Variants in CARMIL1 observed in about 807,000 individuals in gnomAD.
CARMIL1 encodes F-actin-uncapping protein LRRC16A.
In CARMIL1, 90 loss-of-function variants were observed where a neutral mutation model predicts 177.1. That is an observed-to-expected ratio of 0.51 (90% CI 0.43 to 0.61). CARMIL1 has a LOEUF of 0.61. Ranked by LOEUF, CARMIL1 falls within the 20% of genes least tolerant of loss-of-function variation. The pLI, the probability that CARMIL1 is intolerant of heterozygous loss-of-function variation, is 0.00. For synonymous variants in CARMIL1, 577 were observed against 606.2 expected (o/e 0.95, Z 0.71); for missense variants, 1,380 against 1,667.0 (o/e 0.83, Z 3.00).
intron 26 of CARMIL1, among the ~76,000 whole-genome samples, chr6:25,542,603 C>G (rs961751504): frequency 2.6e-5 from 4 of 152,078 alleles, no homozygotes; most frequent in Non-Finnish European, 4.4e-5. Context: ...CTCAATCCTT[C>G]TGAGTTTCAA....
At chr6:25,459,259 TTTCTTTC>T (rs1467136178) in intron 8 of CARMIL1, among the ~76,000 whole-genome samples, 6 of 123,800 alleles carry the variant, frequency 4.8e-5, no homozygotes, top group African/African-American at 8.8e-5. Flanking sequence ...TCTTTCTTTC[TTTCTTTC>T]TTTTTTTTTT....
intron 29 of CARMIL1, among the ~76,000 whole-genome samples, chr6:25,578,605 T>G (rs768719737): frequency 1.3e-4 from 20 of 151,212 alleles, no homozygotes; most frequent in Non-Finnish European, 2.5e-4. Context: ...TGAGATTGAG[T>G]TTTTTTTTCT....
chr6:25,325,694 A>G (rs963486165), intron 2 of CARMIL1, among the ~76,000 whole-genome samples: 1 of 150,614 alleles, frequency 6.6e-6, no homozygotes, highest in South Asian at 2.1e-4. Flanking sequence ...CGTGTAGCAG[A>G]CAGTGTGCTG....
chr6:25,455,456 C>T (rs944544401), intron 8 of CARMIL1, among the ~76,000 whole-genome samples: 9 of 152,176 alleles, frequency 5.9e-5, no homozygotes, highest in Non-Finnish European at 8.8e-5. Flanking sequence ...TGATACTCTA[C>T]AGTCAAACCA....
intron 5 of CARMIL1, among the ~76,000 whole-genome samples, chr6:25,448,916 C>CT (rs36000360): frequency 0.11 from 13,911 of 126,372 alleles, 1,152 homozygotes; most frequent in East Asian, 0.32. Context: ...AGGGATTCTT[C>CT]TTTTTTTTTT....
At chr6:25,411,753 A>C (rs892998923) in intron 2 of CARMIL1, among the ~76,000 whole-genome samples, 1 of 152,224 alleles carries the variant, frequency 6.6e-6, no homozygotes, top group Non-Finnish European at 1.5e-5. Context: ...TTCCTCTGAA[A>C]CTAAACATCC....
chr6:25,364,870 C>T (rs542958629), intron 2 of CARMIL1, among the ~76,000 whole-genome samples: 237 of 152,228 alleles, frequency 1.6e-3, no homozygotes, highest in Non-Finnish European at 3.0e-3. Flanking sequence ...AAGTGAAACC[C>T]CGGAAGAGTA....
At chr6:25,518,337 A>G (rs773224412) in intron 22 of CARMIL1, among the ~76,000 whole-genome samples, 6 of 152,188 alleles carry the variant, frequency 3.9e-5, no homozygotes, top group Admixed American at 6.5e-5. Flanking sequence ...CTCTCTGATT[A>G]AATCTTTTTT....
chr6:25,452,731 T>TA (rs1248088348), intron 8 of CARMIL1: 2 of 152,484 alleles, frequency 1.3e-5, no homozygotes, highest in Non-Finnish European at 2.9e-5. Context: ...TGGATGCTCA[T>TA]ATCTACTTCT....
intron 31 of CARMIL1, among the ~76,000 whole-genome samples, chr6:25,593,009 G>C (rs115590293): frequency 0.013 from 1,931 of 152,280 alleles, 27 homozygotes; most frequent in African/African-American, 0.034. Flanking sequence ...CTTCTCACCA[G>C]CCTCTCTCAT....
chr6:25,494,990 C>T (rs447724), intron 15 of CARMIL1, 121 bp from the exon 16 acceptor site: 460,175 of 602,404 alleles, frequency 0.76, 177,004 homozygotes, highest in East Asian at 0.88. Flanking sequence ...TATTTGTTTC[C>T]ATTTACTTTT....
chr6:25,477,792 T>TA (rs1332357533), intron 11 of CARMIL1, among the ~76,000 whole-genome samples: 1 of 151,954 alleles, frequency 6.6e-6, no homozygotes, highest in Non-Finnish European at 1.5e-5. Context: ...CTGTCCCAAT[T>TA]ACCTTAGTTT....
rs1480982237 is a variant in CARMIL1 at position 25,600,421 on chromosome 6, C to A, written c.3227C>A (p.Ser1076Tyr). 1 of 1,613,942 alleles carries A rather than the reference C, an allele frequency of 6.2e-7. No homozygotes were observed. The highest frequency in any genetic ancestry group is 1.7e-5 in the Admixed American group (1 of 60,008). ...AGTGGCTTTCTCAATTTAATCAAAT[C>A]CCGGTCCAAATCCGAGCGACCACCA... Reference protein sequence around the residue: ...KSSGFLNLIKSRSKSERPPTI... With the variant: ...KSSGFLNLIKYRSKSERPPTI... The change falls in exon 33 of 37, where the codon TCC becomes TAC. Residue 1076 changes from serine to tyrosine, a missense_variant. Transcript: ENST00000329474.
At chr6:25,612,689 A>C in intron 36 of CARMIL1, 1 of 851,766 alleles carries the variant, frequency 1.2e-6, no homozygotes, top group Non-Finnish European at 1.4e-6. Context: ...CAACACATTG[A>C]TGTATGTGCT....
chr6:25,570,287 T>C (rs1811962856), intron 29 of CARMIL1, among the ~76,000 whole-genome samples: 1 of 152,236 alleles, frequency 6.6e-6, no homozygotes, highest in Non-Finnish European at 1.5e-5. Flanking sequence ...TAAAAATTTA[T>C]AATGCTACAG....
At chr6:25,377,905 A>C (rs959245237) in intron 2 of CARMIL1, among the ~76,000 whole-genome samples, 14 of 152,118 alleles carry the variant, frequency 9.2e-5, no homozygotes, top group South Asian at 2.1e-4. Flanking sequence ...TTATGTACCC[A>C]GGGGAAGTAC....
At position 25,509,346 on chromosome 6, in the gene CARMIL1, A is replaced by G. The variant is rs1382200499; in HGVS notation, c.1396-310A>G. Among the ~76,000 whole-genome samples the G allele has an allele frequency of 6.6e-6, 1 of 152,178 alleles. No individual in the cohort carries two copies. The highest frequency in any genetic ancestry group is 1.5e-5 in the Non-Finnish European group (1 of 68,014). ...ATTTCCAAAAGTCAGAAATGAAGAA[A>G]TTCTTCTGGGTTGATAATGCACTGC... is the stretch of plus-strand genomic sequence containing the variant. On this transcript the variant is annotated intron_variant, in intron 17 of 36. Coordinates refer to ENST00000329474, the MANE Select transcript of CARMIL1 (RefSeq NM_017640.6). This position sits in a 1 kb window ranked among gnomAD's most constrained non-coding sequence, Gnocchi z 4.1.
chr6:25,523,236 C>G (rs1806748997), intron 23 of CARMIL1, among the ~76,000 whole-genome samples: 1 of 152,096 alleles, frequency 6.6e-6, no homozygotes, highest in South Asian at 2.1e-4. Context: ...GTCCCATAAC[C>G]TTCAATAAGT....
chr6:25,515,588 C>T lies in CARMIL1; in HGVS notation c.1633-87C>T. ...AATCAGACACGTGCAGTAGGTCCAT[C>T]CCCTCTCATTCTCCACGAAATGCGT... On this transcript the variant is annotated intron_variant, in intron 20 of 36. Coordinates refer to ENST00000329474, the MANE Select transcript of CARMIL1 (RefSeq NM_017640.6). The surrounding 1 kb of genome is among the most constrained non-coding windows in gnomAD (Gnocchi z 5.0). 1 of 1,252,842 alleles carries T rather than the reference C, an allele frequency of 8.0e-7. No homozygotes were observed. The highest frequency in any genetic ancestry group is 1.5e-5 in the South Asian group (1 of 64,846). 77.6% of individuals were successfully genotyped at this position (1,252,842 alleles called of 1,614,324 possible).
Sources: allele counts gnomAD v4.1 joint callset (sites outside exome capture counted in the v4.1 genomes callset), GRCh38; gene constraint gnomAD v4.1.1; non-coding constraint Gnocchi (gnomAD v3.1); transcripts MANE v1.5; gene names NCBI Gene and HGNC (gene_info 2026-07-23, HGNC 2026-07-21).